The following TGS1 variants were observed in gnomAD, a reference collection of about 807,000 sequenced individuals.
TGS1 encodes trimethylguanosine synthase 1, also known as trimethylguanosine synthase.
Under a neutral mutation model 92.2 loss-of-function variants are expected in TGS1, and 69 were observed. The ratio of observed to expected loss-of-function variants is 0.75; its 90% confidence interval spans 0.62 to 0.91. The LOEUF (loss-of-function observed/expected upper bound fraction) is 0.91, where lower values mean the gene tolerates loss of function less well. Among genes scored for constraint, TGS1 ranks in the 40% least tolerant of loss-of-function variants. TGS1 has a pLI of 0.00. For missense variants in TGS1, 1,062 were observed against 1,001.2 expected, an observed-to-expected ratio of 1.06 and a Z score of -0.82; for synonymous variants, 345 against 338.1, an observed-to-expected ratio of 1.02 and a Z score of -0.22.
intron 6 of TGS1, among the ~76,000 whole-genome samples, chr8:55,793,677 C>T (rs998367234): frequency 2.6e-5 from 4 of 152,092 alleles, no homozygotes; most frequent in African/African-American, 7.2e-5. Context: ...AAGTGATTCT[C>T]CTGCCTCAGC....
intron 1 of TGS1, among the ~76,000 whole-genome samples, chr8:55,777,957 A>G (rs535156726): frequency 3.3e-5 from 5 of 151,190 alleles, no homozygotes; most frequent in Non-Finnish European, 7.4e-5. Context: ...ATGTCTTGTT[A>G]TCCTCACTTA....
chr8:55,786,425 A>G lies in TGS1; in HGVS notation c.527A>G (p.Asp176Gly). The change falls in exon 4 of 13, where the codon GAT (aspartate) becomes GGT (glycine). Residue 176 changes from aspartate (D) to glycine (G), a missense_variant. Physicochemically the swap from Asp to Gly is moderately conservative, Grantham distance 94. Transcript: ENST00000260129. ...TRTYELQSKKDTETENPPVEN... is the reference protein window; with the variant it reads ...TRTYELQSKKGTETENPPVEN... ...ACATATGAACTTCAAAGCAAAAAAG[A>G]TACTGAGACAGAAAATCCTCCAGTT... 1.9e-6 allele frequency: 3 copies of G among 1,613,524 alleles called. No individual in the cohort carries two copies. Among genetic ancestry groups the G allele is most frequent in the Non-Finnish European group, 2.5e-6 (3 of 1,179,872 alleles).
chr8:55,800,469 A>G (rs1471093216), intron 8 of TGS1, among the ~76,000 whole-genome samples: 3 of 152,208 alleles, frequency 2.0e-5, no homozygotes, highest in African/African-American at 2.4e-5. Flanking sequence ...TCCAATTGCT[A>G]AGTCCCATTT....
At chr8:55,813,219 A>G (rs2130235492) in intron 12 of TGS1, 101 bp downstream of exon 12, 1 of 827,742 alleles carries the variant, frequency 1.2e-6, no homozygotes, top group Non-Finnish European at 1.9e-6. Context: ...TGTTTATGAG[A>G]AGTCCCTGAC....
intron 10 of TGS1, among the ~76,000 whole-genome samples, chr8:55,810,032 GC>G (rs1450678389): frequency 2.0e-5 from 3 of 152,168 alleles, no homozygotes; most frequent in African/African-American, 7.2e-5. Flanking sequence ...TATAATTGGT[GC>G]TTATATTTAT....
chr8:55,776,805 A>G (rs1047421608), intron 1 of TGS1, among the ~76,000 whole-genome samples: 3 of 152,160 alleles, frequency 2.0e-5, no homozygotes, highest in African/African-American at 7.2e-5. Flanking sequence ...TTGTACTGAC[A>G]GAGACTCTCC....
In TGS1 at chr8:55,786,721, T is replaced by G; in HGVS notation, c.823T>G (p.Ser275Ala). The G allele has an allele frequency of 1.9e-6, 3 of 1,614,120 alleles. No individual in the cohort carries two copies. The highest frequency in any genetic ancestry group is 2.5e-6 in the Non-Finnish European group (3 of 1,180,022). ...AAGCTGTGATACAGATACTTACACA[T>G]CTAAAACAGAAGCTGATGACAAGAA... Reference protein sequence around the residue: ...SQSCDTDTYTSKTEADDKNDE... With the variant: ...SQSCDTDTYTAKTEADDKNDE... The change falls in exon 4 of 13, where the codon TCT (serine) becomes GCT (alanine). Residue 275 changes from serine (S) to alanine (A), a missense_variant. Coordinates refer to ENST00000260129, the MANE Select transcript of TGS1 (RefSeq NM_024831.8).
In TGS1 at chr8:55,803,774, C is replaced by T. The variant is rs557922610; in HGVS notation, c.2000-1119C>T. Among the ~76,000 whole-genome samples, 3 of 151,368 alleles carry T rather than the reference C, an allele frequency of 2.0e-5. No homozygotes were observed. The South Asian group carries it at 6.3e-4, about 32-fold the overall frequency. ...AGTGGCACAATCTTGGCTCAGCAAC[C>T]TCCACCTCCCAGGCTAAAGCAATCC... On this transcript the variant is annotated intron_variant, in intron 9 of 12. Transcript: ENST00000260129.
intron 12 of TGS1, among the ~76,000 whole-genome samples, chr8:55,816,378 G>A (rs548964915): frequency 6.6e-6 from 1 of 152,160 alleles, no homozygotes; most frequent in Non-Finnish European, 1.5e-5. Context: ...ATCCTTGTGG[G>A]TGGAATCTCT....
intron 4 of TGS1, among the ~76,000 whole-genome samples, chr8:55,789,504 A>T (rs1811815292): frequency 6.6e-6 from 1 of 152,138 alleles, no homozygotes; most frequent in Admixed American, 6.6e-5. Context: ...ATTTGTATAG[A>T]TTTGGGCAGC....
intron 12 of TGS1, among the ~76,000 whole-genome samples, chr8:55,815,767 C>T (rs184224079): frequency 2.0e-5 from 3 of 152,124 alleles, no homozygotes; most frequent in Admixed American, 2.0e-4. Flanking sequence ...CCTCAATCTT[C>T]TATTCCTTTT....
intron 1 of TGS1, among the ~76,000 whole-genome samples, chr8:55,779,875 C>CT (rs71256566): frequency 0.015 from 2,197 of 144,018 alleles, 19 homozygotes; most frequent in Non-Finnish European, 0.019. Flanking sequence ...CTTTTTTTTC[C>CT]TTTTTTTTTT....
intron 12 of TGS1, among the ~76,000 whole-genome samples, chr8:55,823,599 C>CTAG (rs937326141): frequency 1.7e-4 from 26 of 152,092 alleles, no homozygotes; most frequent in African/African-American, 6.0e-4. Context: ...TCACTAGAGG[C>CTAG]TAGACTCCTC....
chr8:55,803,715 A>G (rs1812285932), intron 9 of TGS1, among the ~76,000 whole-genome samples: 2 of 141,894 alleles, frequency 1.4e-5, no homozygotes, highest in Admixed American at 7.3e-5. Flanking sequence ...TTTTTTTTAG[A>G]CAGGGTCTCA....
chr8:55,822,709 T>TGG (rs200634598), intron 12 of TGS1, among the ~76,000 whole-genome samples: 5 of 151,350 alleles, frequency 3.3e-5, no homozygotes, highest in African/African-American at 4.9e-5. Context: ...AAAAAAATAG[T>TGG]GGGGGGGGTG....
chr8:55,814,671 AAAAATATATAT>A (rs1242116288), intron 12 of TGS1, among the ~76,000 whole-genome samples: 9 of 134,812 alleles, frequency 6.7e-5, no homozygotes, highest in African/African-American at 2.7e-4. Flanking sequence ...AAAAAAAAAA[AAAAATATATAT>A]ATATATATAT....
At chr8:55,787,210 A>G (rs1811745454) in intron 4 of TGS1, 150 bp downstream of exon 4, 1 of 604,414 alleles carries the variant, frequency 1.7e-6, no homozygotes, top group South Asian at 2.4e-5. Context: ...CTGTTTTCAT[A>G]TCACAAGTTA....
At chr8:55,818,887 G>A (rs916436513) in intron 12 of TGS1, among the ~76,000 whole-genome samples, 1 of 152,176 alleles carries the variant, frequency 6.6e-6, no homozygotes, top group African/African-American at 2.4e-5. Context: ...CCAGTATCTG[G>A]TTCTGAGAAT....
chr8:55,816,491 T>C (rs1803481551), intron 12 of TGS1, among the ~76,000 whole-genome samples: 1 of 152,184 alleles, frequency 6.6e-6, no homozygotes, highest in African/African-American at 2.4e-5. Flanking sequence ...ATTTTATAAT[T>C]AGACATAAAA....
Sources: gnomAD v4.1 joint callset for allele counts (sites outside exome capture counted in the v4.1 genomes callset) on GRCh38, gnomAD v4.1.1 for gene constraint, MANE v1.5 for transcripts, NCBI Gene and HGNC (gene_info 2026-07-23, HGNC 2026-07-21) for gene names.